Variants in ERBB4 observed in about 807,000 individuals in gnomAD.
ERBB4 encodes receptor tyrosine-protein kinase erbB-4.
Under a neutral mutation model 158.0 loss-of-function variants are expected in ERBB4, and 42 were observed. The observed-to-expected ratio is 0.27, with a 90% CI of 0.21 to 0.34. The LOEUF (loss-of-function observed/expected upper bound fraction) is 0.34. ERBB4 is among the 10% of genes least tolerant of loss of function. The pLI is 1.00. For synonymous variants in ERBB4, 583 were observed against 558.7 expected, an observed-to-expected ratio of 1.04 and a Z score of -0.61; for missense variants, 1,333 against 1,624.1, an observed-to-expected ratio of 0.82 and a Z score of 3.08.
At chr2:212,223,402 A>G (rs927508787) in intron 1 of ERBB4, among the ~76,000 whole-genome samples, 1 of 141,046 alleles carries the variant, frequency 7.1e-6, no homozygotes, top group African/African-American at 2.6e-5. Context: ...ATCTTCATAT[A>G]TATTTATCAA....
intron 7 of ERBB4, among the ~76,000 whole-genome samples, chr2:211,715,431 C>T (rs1027870423): frequency 6.6e-6 from 1 of 152,304 alleles, no homozygotes; most frequent in Non-Finnish European, 1.5e-5. Flanking sequence ...GGGAACCCAA[C>T]CTGCAACAGG....
intron 3 of ERBB4, among the ~76,000 whole-genome samples, chr2:211,861,337 T>C (rs1235975515): frequency 2.7e-5 from 2 of 73,864 alleles, no homozygotes; most frequent in Non-Finnish European, 5.3e-5. Flanking sequence ...GTTTTTTTTT[T>C]TGTTTTTTTT....
At chr2:211,903,776 C>G (rs938445592) in intron 3 of ERBB4, among the ~76,000 whole-genome samples, 32 of 150,596 alleles carry the variant, frequency 2.1e-4, no homozygotes, top group Non-Finnish European at 4.4e-4. Flanking sequence ...GCATTGATTA[C>G]ACAATTAAAA....
intron 1 of ERBB4, among the ~76,000 whole-genome samples, chr2:212,269,381 C>G (rs962116839): frequency 6.6e-6 from 1 of 151,752 alleles, no homozygotes; most frequent in Non-Finnish European, 1.5e-5. Context: ...CATACAAAAT[C>G]AGGATGCAGC....
intron 1 of ERBB4, among the ~76,000 whole-genome samples, chr2:212,528,110 T>C (rs896754135): frequency 6.6e-6 from 1 of 151,970 alleles, no homozygotes; most frequent in African/African-American, 2.4e-5. Flanking sequence ...TAACCTAAAG[T>C]AGAACTCCTT....
intron 3 of ERBB4, among the ~76,000 whole-genome samples, chr2:211,869,375 A>T (rs192091431): frequency 4.6e-5 from 7 of 152,312 alleles, no homozygotes. Flanking sequence ...ATGCCTGTAC[A>T]TCACTGTATG....
chr2:211,428,767 G>A (rs1421377885), intron 21 of ERBB4, among the ~76,000 whole-genome samples: 1 of 151,930 alleles, frequency 6.6e-6, no homozygotes. Context: ...ACCCAGGCTA[G>A]AGTGCAATGG....
intron 4 of ERBB4, among the ~76,000 whole-genome samples, chr2:211,784,645 T>C (rs946238900): frequency 3.3e-5 from 5 of 152,218 alleles, no homozygotes; most frequent in African/African-American, 1.2e-4. Context: ...TGTCATATGA[T>C]AATTCTATTT....
chr2:212,464,570 A>G (rs1159964600), intron 1 of ERBB4, among the ~76,000 whole-genome samples: 1 of 152,082 alleles, frequency 6.6e-6, no homozygotes, highest in Non-Finnish European at 1.5e-5. Flanking sequence ...TTCACATTTC[A>G]TGGATCGTAG....
chr2:212,209,249 G>C (rs991110775), intron 1 of ERBB4, among the ~76,000 whole-genome samples: 2 of 152,118 alleles, frequency 1.3e-5, no homozygotes, highest in Non-Finnish European at 2.9e-5. Context: ...TAGCAATATA[G>C]AACTGAATGG....
At chr2:212,289,498 T>G (rs2086125927) in intron 1 of ERBB4, among the ~76,000 whole-genome samples, 1 of 152,174 alleles carries the variant, frequency 6.6e-6, no homozygotes, top group African/African-American at 2.4e-5. Flanking sequence ...AGATCCTGAG[T>G]CAGCCATGCT....
intron 1 of ERBB4, among the ~76,000 whole-genome samples, chr2:212,202,648 T>A (rs2082621546): frequency 6.6e-6 from 1 of 152,112 alleles, no homozygotes; most frequent in Non-Finnish European, 1.5e-5. Flanking sequence ...GCCCAAAATA[T>A]TTAAATATAT....
At chr2:211,821,328 TGGACAA>T (rs2076991024) in intron 3 of ERBB4, among the ~76,000 whole-genome samples, 1 of 151,776 alleles carries the variant, frequency 6.6e-6, no homozygotes, top group Non-Finnish European at 1.5e-5. Context: ...GTAAAATAAT[TGGACAA>T]GGAAAACTAC....
At chr2:212,352,583 A>G (rs1481598379) in intron 1 of ERBB4, among the ~76,000 whole-genome samples, 2 of 152,084 alleles carry the variant, frequency 1.3e-5, no homozygotes, top group East Asian at 1.9e-4. Flanking sequence ...AATTTAATGA[A>G]CTGGCCAGGT....
intron 1 of ERBB4, among the ~76,000 whole-genome samples, chr2:212,352,723 C>T (rs1015547906): frequency 2.6e-5 from 4 of 151,870 alleles, no homozygotes; most frequent in South Asian, 2.1e-4. Flanking sequence ...CAAAAATTAG[C>T]TGGGTGTGGT....
intron 2 of ERBB4, among the ~76,000 whole-genome samples, chr2:212,095,635 T>A (rs1280592161): frequency 3.9e-5 from 6 of 151,978 alleles, no homozygotes; most frequent in Non-Finnish European, 2.9e-5. Context: ...ACACAATTTC[T>A]TAGACAGTAA....
chr2:212,392,973 G>A (rs904609308), intron 1 of ERBB4, among the ~76,000 whole-genome samples: 3 of 152,016 alleles, frequency 2.0e-5, no homozygotes, highest in East Asian at 1.9e-4. Flanking sequence ...ATGCTTTAAG[G>A]TCTTCTAGGA....
intron 1 of ERBB4, among the ~76,000 whole-genome samples, chr2:212,206,811 A>C (rs376995303): frequency 6.6e-6 from 1 of 151,818 alleles, no homozygotes; most frequent in African/African-American, 2.4e-5. Flanking sequence ...GATGGTCTCC[A>C]TCTCCTGACC....
At chr2:211,953,049 G>A (rs1357049581) in intron 2 of ERBB4, among the ~76,000 whole-genome samples, 1 of 151,944 alleles carries the variant, frequency 6.6e-6, no homozygotes, top group Admixed American at 6.6e-5. Flanking sequence ...TATAGACTCT[G>A]GCGCTGAACA....
Sources: allele counts gnomAD v4.1 joint callset (sites outside exome capture counted in the v4.1 genomes callset), GRCh38; gene constraint gnomAD v4.1.1; transcripts MANE v1.5; gene names NCBI Gene and HGNC (gene_info 2026-07-23, HGNC 2026-07-21).